Variants in SHANK2 observed in about 807,000 individuals in gnomAD.
SHANK2 encodes the protein SH3 and multiple ankyrin repeat domains protein 2.
In SHANK2, 43 loss-of-function variants were observed where a neutral mutation model predicts 133.7. That is an observed-to-expected ratio of 0.32 (90% CI 0.25 to 0.41). SHANK2 has a LOEUF of 0.41. SHANK2 is among the 10% of genes least tolerant of loss of function. The pLI, the probability that SHANK2 is intolerant of heterozygous loss-of-function variation, is 1.00. For missense variants in SHANK2, 1,994 were observed against 2,235.8 expected, an observed-to-expected ratio of 0.89 and a Z score of 2.18; for synonymous variants, 1,017 against 952.8, an observed-to-expected ratio of 1.07 and a Z score of -1.24.
At chr11:70,873,791 G>C (rs1394426842) in intron 11 of SHANK2, among the ~76,000 whole-genome samples, 3 of 150,614 alleles carry the variant, frequency 2.0e-5, no homozygotes, top group African/African-American at 7.4e-5. Flanking sequence ...TGTTTACAAC[G>C]ATCTCATGGG....
At chr11:70,593,224 A>C (rs2060351262) in intron 17 of SHANK2, among the ~76,000 whole-genome samples, 1 of 152,216 alleles carries the variant, frequency 6.6e-6, no homozygotes, top group African/African-American at 2.4e-5. Flanking sequence ...ATAATTTCTC[A>C]GCAGTCTCCA....
chr11:70,889,752 G>T (rs1282367810), intron 11 of SHANK2, among the ~76,000 whole-genome samples: 1 of 152,208 alleles, frequency 6.6e-6, no homozygotes, highest in Non-Finnish European at 1.5e-5. Context: ...GAGGGTTAGG[G>T]CAGGCGAGTC....
intron 14 of SHANK2, among the ~76,000 whole-genome samples, chr11:70,781,558 T>TTATTTTTATATATATATA (rs71049941): frequency 1.0e-4 from 3 of 28,970 alleles, no homozygotes; most frequent in Admixed American, 7.4e-4. Context: ...TACTTACTTA[T>TTATTTTTATATATATATA]TATATATATA....
chr11:70,641,375 A>G (rs376388505), intron 17 of SHANK2, among the ~76,000 whole-genome samples: 55 of 152,224 alleles, frequency 3.6e-4, no homozygotes, highest in East Asian at 1.2e-3. Flanking sequence ...TTACAGGCAT[A>G]AGCCACTGCG....
chr11:70,661,500 TACACACACACAC>T lies in SHANK2; in HGVS notation c.1936+84_1936+95del, dbSNP rs3837380. 8,433 of 1,060,228 alleles carry T rather than the reference TACACACACACAC, an allele frequency of 8.0e-3. 18 individuals carry two copies. Among genetic ancestry groups the T allele is most frequent in the South Asian group, 0.014 (969 of 69,598 alleles). The allele number at this position is 1,060,228 out of a possible 1,614,324, so 65.7% of individuals were successfully genotyped here. On this transcript the variant is annotated intron_variant, in intron 16 of 25. Transcript: ENST00000601538. ...GGGGAACGTTTTTCATGCAGGCGTA[TACACACACACAC>T]ACACACACACACACACACACACACA...
chr11:70,847,947 C>T (rs1555064101), intron 11 of SHANK2, among the ~76,000 whole-genome samples: 1 of 152,206 alleles, frequency 6.6e-6, no homozygotes, highest in South Asian at 2.1e-4. Flanking sequence ...CCTGGGGAGC[C>T]CAGGGCTGCT....
intron 6 of SHANK2, among the ~76,000 whole-genome samples, 164 bp downstream of exon 6, chr11:71,109,777 C>G (rs1951863738): frequency 6.6e-6 from 1 of 152,258 alleles, no homozygotes; most frequent in Non-Finnish European, 1.5e-5. Flanking sequence ...GGGCTCGGCC[C>G]CTTCTGACTG....
chr11:71,089,329 G>A (rs1049133231), intron 8 of SHANK2, among the ~76,000 whole-genome samples: 11 of 152,316 alleles, frequency 7.2e-5, no homozygotes, highest in East Asian at 5.8e-4. Flanking sequence ...GTCTCAGGGC[G>A]TGAGCGTCTG....
intron 3 of SHANK2, among the ~76,000 whole-genome samples, chr11:71,133,350 C>A (rs376162937): frequency 6.4e-3 from 392 of 61,704 alleles, no homozygotes; most frequent in African/African-American, 0.033. Context: ...GGATGCATGG[C>A]TGGCTGGCTG....
chr11:70,831,806 C>A (rs1948730219), intron 11 of SHANK2, among the ~76,000 whole-genome samples: 1 of 152,254 alleles, frequency 6.6e-6, no homozygotes, highest in Non-Finnish European at 1.5e-5. Flanking sequence ...CGATCAGACG[C>A]CCGCCTCCAC....
Position 71,092,048 on chromosome 11 carries a change from C to T in SHANK2, c.912+374G>A, listed in dbSNP as rs373024179. Among the ~76,000 whole-genome samples, 10 of 152,118 alleles carry T rather than the reference C, an allele frequency of 6.6e-5. 1 individual carries two copies. The East Asian group carries it at 7.7e-4, about 12-fold the overall frequency. On this transcript the variant is annotated intron_variant, in intron 8 of 25. Coordinates refer to ENST00000601538, the MANE Select transcript of SHANK2 (RefSeq NM_012309.5). ...GGGCTCACCTGTGCTCAGAAAACAC[C>T]GGTGCTTTCTGGTATCCTGCCCTGT...
At chr11:70,814,001 C>T (rs1019558421) in intron 12 of SHANK2, among the ~76,000 whole-genome samples, 23 of 152,278 alleles carry the variant, frequency 1.5e-4, no homozygotes, top group Middle Eastern at 6.8e-3. Flanking sequence ...CATCTGGCCC[C>T]GGCTGTCTGC....
Position 70,485,233 on chromosome 11 carries a change from G to T in SHANK2, c.4979+81C>A. On this transcript the variant is annotated intron_variant, in intron 25 of 25. Transcript: ENST00000601538. This position sits in a 1 kb window ranked among gnomAD's most constrained non-coding sequence, Gnocchi z 5.8. ...GAATTCCCCTCTTCGTGTCCGCTGG[G>T]GCTGCTACCCGAGGGCCTTTCCTGG... is the stretch of plus-strand genomic sequence containing the variant. 2 of 1,209,022 alleles carry T rather than the reference G, an allele frequency of 1.7e-6. No homozygotes were observed. The highest frequency in any genetic ancestry group is 2.4e-6 in the Non-Finnish European group (2 of 820,612). The allele number at this position is 1,209,022 out of a possible 1,614,324, so 74.9% of individuals were successfully genotyped here. A position where few individuals can be genotyped will look rare whatever the true frequency, so the allele number is the denominator to read the frequency against.
chr11:70,625,810 GAAAAAAAAAAAAA>G (rs34147403), intron 17 of SHANK2, among the ~76,000 whole-genome samples: 1 of 41,394 alleles, frequency 2.4e-5, no homozygotes, highest in Non-Finnish European at 4.1e-5. Context: ...GTGCAAAAAT[GAAAAAAAAAAAAA>G]AAAAAAAAAA....
rs538964880 is a variant in SHANK2, at chr11:70,853,051, G to A, written c.1175-32369C>T. Among the ~76,000 whole-genome samples, 5 of 152,358 alleles carry A rather than the reference G, an allele frequency of 3.3e-5. 1 individual carries two copies. The South Asian group carries it at 8.3e-4, about 25-fold the overall frequency. On this transcript the variant is annotated intron_variant, in intron 11 of 25. Coordinates refer to ENST00000601538, the MANE Select transcript of SHANK2 (RefSeq NM_012309.5). ...GGAAGCAGAGCCCTCAGGCCCACTC[G>A]ACAGGCCATCTGGGGTGCCCCCTGC...
chr11:70,725,062 A>G (rs1946151313), intron 14 of SHANK2, among the ~76,000 whole-genome samples: 1 of 152,218 alleles, frequency 6.6e-6, no homozygotes, highest in Non-Finnish European at 1.5e-5. Context: ...TTTTTAAAGT[A>G]TGTTTTAAAA....
At position 70,816,306 on chromosome 11, in the gene SHANK2, G is replaced by C. The variant is rs148889888; in HGVS notation, c.1493+4058C>G. Among the ~76,000 whole-genome samples, 428 of 152,380 alleles carry C rather than the reference G, an allele frequency of 2.8e-3. 3 individuals are homozygous for C. Among genetic ancestry groups the C allele is most frequent in the African/African-American group, 0.01 (418 of 41,594 alleles). Reference sequence around the variant, plus strand: ...GTGACTTGCCCAAGGTCAGCTGGCGGGTGGGTAGAGCCAGGTAGCCCTGGC... The same window carrying C: ...GTGACTTGCCCAAGGTCAGCTGGCGCGTGGGTAGAGCCAGGTAGCCCTGGC... On this transcript the variant is annotated intron_variant, in intron 12 of 25. Coordinates refer to ENST00000601538, the MANE Select transcript of SHANK2 (RefSeq NM_012309.5).
intron 17 of SHANK2, among the ~76,000 whole-genome samples, chr11:70,552,149 G>A (rs1425025352): frequency 1.3e-5 from 2 of 152,206 alleles, no homozygotes; most frequent in Non-Finnish European, 2.9e-5. Flanking sequence ...CTTTGACCTC[G>A]GCTTTGAAGA....
chr11:70,616,756 C>T (rs1554996079), intron 17 of SHANK2, among the ~76,000 whole-genome samples: 2 of 152,178 alleles, frequency 1.3e-5, no homozygotes, highest in African/African-American at 2.4e-5. Context: ...GCTGGGGTGG[C>T]CCAGAGCCTC....
Sources: allele counts gnomAD v4.1 joint callset (sites outside exome capture counted in the v4.1 genomes callset), GRCh38; gene constraint gnomAD v4.1.1; non-coding constraint Gnocchi (gnomAD v3.1); transcripts MANE v1.5; gene names NCBI Gene and HGNC (gene_info 2026-07-23, HGNC 2026-07-21).